Variants in TBC1D12 observed in about 807,000 individuals in gnomAD.
TBC1D12 encodes TBC1 domain family, member 12.
TBC1D12 carries 56 observed loss-of-function variants against 86.7 expected under a neutral mutation model. The ratio of observed to expected loss-of-function variants is 0.65; its 90% CI spans 0.52 to 0.81. The LOEUF (loss-of-function observed/expected upper bound fraction) is 0.81, where lower values mean the gene tolerates loss of function less well. Among genes scored for constraint, TBC1D12 ranks in the 30% least tolerant of loss-of-function variants. TBC1D12 has a pLI of 0.00. For missense variants in TBC1D12, 1,023 were observed against 1,038.8 expected (o/e 0.98, Z 0.21); for synonymous variants, 421 against 411.7 (o/e 1.02, Z -0.27).
chr10:94,493,093 A>AT (rs1406331191), intron 3 of TBC1D12, among the ~76,000 whole-genome samples: 1 of 151,836 alleles, frequency 6.6e-6, no homozygotes, highest in Non-Finnish European at 1.5e-5. Context: ...CCCCATCTCT[A>AT]TTTTTTTAAT....
chr10:94,519,227 A>ATTTACTT (rs1589673962), intron 9 of TBC1D12, among the ~76,000 whole-genome samples: 1 of 152,194 alleles, frequency 6.6e-6, no homozygotes, highest in African/African-American at 2.4e-5. Context: ...AATTCCTTCT[A>ATTTACTT]TTTACTTTGC....
intron 2 of TBC1D12, 57 bp downstream of exon 2, chr10:94,442,076 C>A: frequency 3.5e-5 from 48 of 1,368,518 alleles, no homozygotes; most frequent in South Asian, 4.4e-5. Flanking sequence ...TCTTCTTCTT[C>A]TTCTTCTTTT....
chr10:94,504,580 A>C (rs1203604814), intron 6 of TBC1D12, among the ~76,000 whole-genome samples: 1 of 152,216 alleles, frequency 6.6e-6, no homozygotes, highest in African/African-American at 2.4e-5. Flanking sequence ...ATTTATAATC[A>C]TTAGAGAATA....
At chr10:94,515,149 C>T (rs1294018407) in intron 9 of TBC1D12, among the ~76,000 whole-genome samples, 1 of 151,088 alleles carries the variant, frequency 6.6e-6, no homozygotes, top group African/African-American at 2.4e-5. Context: ...CCTCGTGATC[C>T]GCCCGCCTCG....
intron 6 of TBC1D12, among the ~76,000 whole-genome samples, chr10:94,501,073 A>AATGG (rs2056389517): frequency 2.4e-5 from 3 of 126,596 alleles, no homozygotes; most frequent in Admixed American, 7.6e-5. Context: ...TGAATGAATA[A>AATGG]ATGAATGAAT....
At chr10:94,484,371 C>G (rs1463201095) in intron 3 of TBC1D12, among the ~76,000 whole-genome samples, 1 of 151,856 alleles carries the variant, frequency 6.6e-6, no homozygotes, top group Non-Finnish European at 1.5e-5. Flanking sequence ...CCTCAGCCTC[C>G]CAGCAGCTGG....
intron 2 of TBC1D12, among the ~76,000 whole-genome samples, chr10:94,452,456 A>G (rs916829314): frequency 6.6e-6 from 1 of 152,020 alleles, no homozygotes; most frequent in Non-Finnish European, 1.5e-5. Context: ...CCCTCCTCCA[A>G]TCCCCTGGAA....
At chr10:94,493,546 T>C in intron 4 of TBC1D12, 99 bp downstream of exon 4, 1 of 929,714 alleles carries the variant, frequency 1.1e-6, no homozygotes, top group Non-Finnish European at 1.7e-6. Context: ...ACTGAATTCT[T>C]TTTTTTATTT....
intron 9 of TBC1D12, among the ~76,000 whole-genome samples, chr10:94,518,964 G>A (rs1324201539): frequency 1.3e-5 from 2 of 152,086 alleles, no homozygotes; most frequent in African/African-American, 4.8e-5. Context: ...ATTCCCAGCT[G>A]TTCGGGAGGT....
chr10:94,429,544 A>G (rs993344263), intron 1 of TBC1D12, among the ~76,000 whole-genome samples: 2 of 152,190 alleles, frequency 1.3e-5, no homozygotes, highest in African/African-American at 4.8e-5. Context: ...GACAGTAGTT[A>G]TACTTCTTTG....
At chr10:94,521,233 A>AC (rs1232428158) in intron 9 of TBC1D12, among the ~76,000 whole-genome samples, 8 of 142,906 alleles carry the variant, frequency 5.6e-5, no homozygotes, top group Non-Finnish European at 1.1e-4. Context: ...AAAAAAAAAA[A>AC]AAAACAAAAA....
intron 1 of TBC1D12, among the ~76,000 whole-genome samples, chr10:94,419,402 C>A (rs921095966): frequency 1.6e-4 from 24 of 152,034 alleles, no homozygotes; most frequent in African/African-American, 5.3e-4. Flanking sequence ...AGGCCGGGTG[C>A]GGTGGCTTAC....
rs575579144 is a variant in TBC1D12, at chr10:94,417,979, C to G, written c.971+14395C>G. On this transcript the variant is annotated intron_variant, in intron 1 of 12. Coordinates refer to ENST00000225235, the MANE Select transcript of TBC1D12 (RefSeq NM_015188.2). ...CCGTGTTAGCCAGGATGGTCTTGAT[C>G]TCCTGACCTCGTGATCCGCCCACCT... 1.9e-4 allele frequency among the ~76,000 whole-genome samples: 29 copies of G among 152,146 alleles called. No individual in the cohort carries two copies. The East Asian group carries it at 5.4e-3, about 28-fold the overall frequency.
chr10:94,434,764 G>A (rs890490964), intron 1 of TBC1D12, among the ~76,000 whole-genome samples: 1 of 151,724 alleles, frequency 6.6e-6, no homozygotes, highest in African/African-American at 2.4e-5. Flanking sequence ...AATATTAGCT[G>A]GGTGTTGTGG....
rs1038172548 is a variant in TBC1D12 at position 94,402,879 on chromosome 10, C to T, written c.266C>T (p.Pro89Leu). The change falls in exon 1 of 13, where the codon CCG becomes CTG. Residue 89 changes from proline to leucine, a missense_variant. Transcript: ENST00000225235. ...CTGGAGCCGGGGCTCTGCTACTGTC[C>T]GCTCCCCGCTGGCCAGGCCGGCGCC... ...EQLEPGLCYC[P>L]LPAGQAGAPP... The T allele has an allele frequency of 5.3e-6, 8 of 1,506,156 alleles. No homozygotes were observed. Among genetic ancestry groups the T allele is most frequent in the Non-Finnish European group, 7.1e-6 (8 of 1,132,046 alleles). The allele number at this position is 1,506,156 out of a possible 1,614,324, so 93.3% of individuals were successfully genotyped here.
chr10:94,403,815 C>CT (rs1382760580), intron 1 of TBC1D12, among the ~76,000 whole-genome samples: 2 of 152,214 alleles, frequency 1.3e-5, no homozygotes, highest in Non-Finnish European at 2.9e-5. Flanking sequence ...GACAGCGAGT[C>CT]TTTCTGTTGC....
intron 2 of TBC1D12, among the ~76,000 whole-genome samples, chr10:94,457,841 G>A (rs1378508189): frequency 6.6e-6 from 1 of 151,934 alleles, no homozygotes; most frequent in Non-Finnish European, 1.5e-5. Context: ...TTTGCAGTAT[G>A]TATTTATAGC....
intron 2 of TBC1D12, chr10:94,447,759 T>C (rs2055491243): frequency 1.1e-6 from 1 of 875,410 alleles, no homozygotes; most frequent in South Asian, 5.3e-5. Context: ...TTGTTTTTTT[T>C]TCTAAATTAG....
chr10:94,459,834 G>T (rs2055697027), intron 2 of TBC1D12, among the ~76,000 whole-genome samples: 1 of 152,190 alleles, frequency 6.6e-6, no homozygotes. Flanking sequence ...AACTTGCACT[G>T]GCCCGTGAGT....
Sources: allele counts gnomAD v4.1 joint callset (sites outside exome capture counted in the v4.1 genomes callset), GRCh38; gene constraint gnomAD v4.1.1; transcripts MANE v1.5; gene names NCBI Gene and HGNC (gene_info 2026-07-23, HGNC 2026-07-21).